The following TBC1D16 variants were observed in gnomAD, a reference collection of about 807,000 sequenced individuals.
TBC1D16 encodes the protein CTD-2529O21.1.
In TBC1D16, 58 loss-of-function variants were observed where a neutral mutation model predicts 74.7. The observed-to-expected ratio is 0.78, with a 90% CI of 0.63 to 0.97. TBC1D16 has a LOEUF of 0.97. TBC1D16 is among the 50% of genes least tolerant of loss of function. TBC1D16 has a pLI of 0.00. For synonymous variants in TBC1D16, 493 were observed against 474.7 expected, an observed-to-expected ratio of 1.04 and a Z score of -0.50; for missense variants, 1,014 against 1,079.5, an observed-to-expected ratio of 0.94 and a Z score of 0.85.
intron 3 of TBC1D16, among the ~76,000 whole-genome samples, chr17:79,967,978 T>C (rs978638336): frequency 1.3e-5 from 2 of 152,208 alleles, no homozygotes; most frequent in Non-Finnish European, 2.9e-5. Flanking sequence ...AACAATTCAA[T>C]TGATAAAAGA....
chr17:79,991,078 C>T (rs1052679740), intron 3 of TBC1D16, among the ~76,000 whole-genome samples: 12 of 152,250 alleles, frequency 7.9e-5, no homozygotes, highest in Admixed American at 4.6e-4. Flanking sequence ...TGAGCTCCTT[C>T]TCTTTATTTC....
intron 3 of TBC1D16, among the ~76,000 whole-genome samples, chr17:79,991,292 G>A (rs956836306): frequency 6.6e-6 from 1 of 152,202 alleles, no homozygotes; most frequent in Non-Finnish European, 1.5e-5. Context: ...CCATCAGCCA[G>A]GCATCTCTGC....
rs1598306481 is a variant in TBC1D16, at chr17:79,941,102, C to T, written c.2061G>A (p.Arg687=). 1 of 1,574,268 alleles carries T rather than the reference C, an allele frequency of 6.4e-7. No homozygotes were observed. Among genetic ancestry groups the T allele is most frequent in the Non-Finnish European group, 8.6e-7 (1 of 1,156,982 alleles). ...MNGELVLRKA[R]SLLYQFRLLP... ...GGAGGCGGAACTGGTACAGCAAACT[C>T]CTCGCCTGCAGACAGAGGACGGGGG... The change falls in exon 12 of 12, where the codon AGG becomes AGA. Residue 687 remains arginine, a synonymous_variant. Transcript: ENST00000310924. The surrounding 1 kb of genome is among the most constrained non-coding windows in gnomAD (Gnocchi z 4.3).
At chr17:79,951,335 C>T in intron 5 of TBC1D16, 115 bp downstream of exon 5, 1 of 1,313,794 alleles carries the variant, frequency 7.6e-7, no homozygotes. Context: ...TGGGTCACAC[C>T]CCGTAAGCCC....
At position 79,937,119 on chromosome 17, in the gene TBC1D16, CAAGGG is replaced by C. The variant is rs2031667173; in HGVS notation, c.*3735_*3739del. On this transcript the variant is annotated 3_prime_UTR_variant, in exon 12 of 12. Transcript: ENST00000310924. The stretch of plus-strand genomic sequence containing the variant: ...CTTGGCACCCCCAGCCCCCACCCCG[CAAGGG>C]AAAGGGGAAGCTGCACGAGGAGCAA... The C allele has an allele frequency of 6.6e-6, 1 of 152,114 alleles. No individual in the cohort carries two copies. The highest frequency in any genetic ancestry group is 2.1e-4 in the South Asian group (1 of 4,826). 9.4% of individuals were successfully genotyped at this position (152,114 alleles called of 1,614,324 possible).
At chr17:79,947,600 G>C (rs567894064) in intron 9 of TBC1D16, 45 bp downstream of exon 9, 2 of 1,596,558 alleles carry the variant, frequency 1.3e-6, no homozygotes, top group South Asian at 2.2e-5. Flanking sequence ...GAGGCAACAC[G>C]GGCCCTCACA....
In TBC1D16 at chr17:79,934,817, G is replaced by GT. The variant is rs1426450815; in HGVS notation, c.*6041dup. ...GAGACCCGAGTGATGTAGATAAGAG[G>GT]TATGTTCCCCTCCAGCCCCCGCCCC... On this transcript the variant is annotated 3_prime_UTR_variant, in exon 12 of 12. Transcript: ENST00000310924. The GT allele has an allele frequency of 1.3e-5, 2 of 152,474 alleles. No homozygotes were observed. Among genetic ancestry groups the GT allele is most frequent in the Non-Finnish European group, 2.9e-5 (2 of 68,252 alleles). The allele number at this position is 152,474 out of a possible 1,614,324, so 9.4% of individuals were successfully genotyped here. A position where few individuals can be genotyped will look rare whatever the true frequency, so the allele number is the denominator to read the frequency against.
At position 79,960,779 on chromosome 17, in the gene TBC1D16, CAAA is replaced by C. The variant is rs746450905; in HGVS notation, c.780-7964_780-7962del. Among the ~76,000 whole-genome samples, 77 of 33,942 alleles carry C rather than the reference CAAA, an allele frequency of 2.3e-3. 11 individuals are homozygous for C. The highest frequency in any genetic ancestry group is 7.1e-3 in the African/African-American group (68 of 9,544). 22.3% of individuals were successfully genotyped at this position (33,942 alleles called of 152,430 possible). On this transcript the variant is annotated intron_variant, in intron 3 of 11. Coordinates refer to ENST00000310924, the MANE Select transcript of TBC1D16 (RefSeq NM_019020.4). ...CAAAAAAACCCAAAAAACAAAAACCCAAAAAAAAAAAAAAAAAAAAAAAAAAAA... is the reference window on the plus strand; with the variant it reads ...CAAAAAAACCCAAAAAACAAAAACCCAAAAAAAAAAAAAAAAAAAAAAAAA...
chr17:79,965,207 G>T (rs1333847685), intron 3 of TBC1D16, among the ~76,000 whole-genome samples: 2 of 151,912 alleles, frequency 1.3e-5, no homozygotes, highest in Non-Finnish European at 2.9e-5. Flanking sequence ...AGCCTCCCAA[G>T]TAGCTGGGAT....
intron 3 of TBC1D16, among the ~76,000 whole-genome samples, chr17:79,974,697 C>G (rs2034256223): frequency 6.6e-6 from 1 of 152,182 alleles, no homozygotes; most frequent in Non-Finnish European, 1.5e-5. Context: ...AGCACATTCC[C>G]TTATCTTCCC....
intron 3 of TBC1D16, among the ~76,000 whole-genome samples, chr17:79,972,799 G>T (rs1360675659): frequency 6.6e-6 from 1 of 152,186 alleles, no homozygotes; most frequent in African/African-American, 2.4e-5. Flanking sequence ...AATGATTAAG[G>T]CTGGGTGCGG....
rs1163765000 is a variant in TBC1D16, at chr17:79,980,734, C to T, written c.780-27916G>A. On this transcript the variant is annotated intron_variant, in intron 3 of 11. Transcript: ENST00000310924. This position sits in a 1 kb window ranked among gnomAD's most constrained non-coding sequence, Gnocchi z 7.0. ...AGGGTTCACTCGAACCGCCTCCGCGCACCCCAACAGCAGAGACGTAACGTG... is the reference window on the plus strand; with the variant it reads ...AGGGTTCACTCGAACCGCCTCCGCGTACCCCAACAGCAGAGACGTAACGTG... 6.6e-6 allele frequency among the ~76,000 whole-genome samples: 1 copy of T among 152,216 alleles called. No homozygotes were observed. Among genetic ancestry groups the T allele is most frequent in the Non-Finnish European group, 1.5e-5 (1 of 68,038 alleles).
chr17:79,952,890 A>G, intron 3 of TBC1D16, 72 bp from the exon 4 acceptor site: 1 of 1,523,264 alleles, frequency 6.6e-7, no homozygotes, highest in Non-Finnish European at 8.8e-7. Flanking sequence ...GACGGGGGTC[A>G]TGGGGGAGTC....
At chr17:79,960,779 C>CAAAAAAAAAAAAAACAAAAAAAAA (rs2033560750) in intron 3 of TBC1D16, among the ~76,000 whole-genome samples, 1 of 33,948 alleles carries the variant, frequency 2.9e-5, no homozygotes, top group Non-Finnish European at 5.5e-5. Flanking sequence ...AACAAAAACC[C>CAAAAAAAAAAAAAACAAAAAAAAA]AAAAAAAAAA....
rs1236710851 is a variant in TBC1D16, at chr17:80,000,847, G to C, written c.779+9313C>G. 6.6e-6 allele frequency among the ~76,000 whole-genome samples: 1 copy of C among 152,232 alleles called. No individual in the cohort carries two copies. The highest frequency in any genetic ancestry group is 1.9e-4 in the East Asian group (1 of 5,206). ...TTGAGTGGAGCTTGGATTCACAGCT[G>C]GGTCTCTGACCAAAGCTCACTTACA... On this transcript the variant is annotated intron_variant, in intron 3 of 11. Coordinates refer to ENST00000310924, the MANE Select transcript of TBC1D16 (RefSeq NM_019020.4). This position sits in a 1 kb window ranked among gnomAD's most constrained non-coding sequence, Gnocchi z 4.1.
At chr17:80,014,099 G>A (rs1167096282) in intron 1 of TBC1D16, among the ~76,000 whole-genome samples, 1 of 152,240 alleles carries the variant, frequency 6.6e-6, no homozygotes, top group Non-Finnish European at 1.5e-5. Flanking sequence ...GCTCACGCCT[G>A]TAATCCCAGT....
At chr17:80,013,746 G>T (rs1016500784) in intron 1 of TBC1D16, 137 bp from the exon 2 acceptor site, 1 of 499,946 alleles carries the variant, frequency 2.0e-6, no homozygotes. Flanking sequence ...CTCTGTACAG[G>T]GTAGGCCACG....
intron 7 of TBC1D16, 61 bp from the exon 8 acceptor site, chr17:79,949,067 G>C (rs761752560): frequency 3.1e-5 from 50 of 1,602,538 alleles, no homozygotes; most frequent in Non-Finnish European, 4.2e-5. Flanking sequence ...ATCGTGTGGC[G>C]CACACACTGC....
intron 3 of TBC1D16, among the ~76,000 whole-genome samples, chr17:80,003,050 G>A (rs11150833): frequency 0.32 from 48,832 of 152,154 alleles, 8,105 homozygotes; most frequent in Middle Eastern, 0.4. Flanking sequence ...TTCCAGCTGC[G>A]GGCAGCAAGG....
Sources: allele counts gnomAD v4.1 joint callset (sites outside exome capture counted in the v4.1 genomes callset), GRCh38; gene constraint gnomAD v4.1.1; non-coding constraint Gnocchi (gnomAD v3.1); transcripts MANE v1.5; gene names NCBI Gene and HGNC (gene_info 2026-07-23, HGNC 2026-07-21).